Variants in CFAP100 observed in about 807,000 individuals in gnomAD.
CFAP100 encodes cilia- and flagella-associated protein 100.
A neutral mutation model predicts 81.5 loss-of-function variants in CFAP100; 70 were observed. The observed-to-expected ratio is 0.86, with a 90% CI of 0.71 to 1.05. The LOEUF (loss-of-function observed/expected upper bound fraction) is 1.05. CFAP100 is among the 50% of genes least tolerant of loss of function. The pLI is 0.00. For missense variants in CFAP100, 811 were observed against 776.5 expected (o/e 1.04, Z -0.53); for synonymous variants, 341 against 314.8 (o/e 1.08, Z -0.88).
Position 126,407,180 on chromosome 3 carries a change from C to A in CFAP100, c.58C>A (p.Leu20Met). The change falls in exon 3 of 17, where the codon CTG becomes ATG. Residue 20 changes from leucine (L) to methionine (M), a missense_variant. Leu to Met is a conservative substitution (Grantham distance 15). Transcript: ENST00000352312. ...SKNMTNDKNS[L>M]ESMNISSSSS... ...CTTTTGTGTCTCCTCAGAGAACAGC[C>A]TGGAATCCATGAACATCAGCTCTTC... 2 of 1,613,496 alleles carry A rather than the reference C, an allele frequency of 1.2e-6. No homozygotes were observed. The highest frequency in any genetic ancestry group is 1.7e-6 in the Non-Finnish European group (2 of 1,179,558).
intron 2 of CFAP100, among the ~76,000 whole-genome samples, chr3:126,404,448 G>A (rs2083031767): frequency 6.6e-6 from 1 of 152,186 alleles, no homozygotes; most frequent in South Asian, 2.1e-4. Context: ...TTCTATGGAA[G>A]GCTGCCTGCA....
intron 14 of CFAP100, 158 bp from the exon 15 acceptor site, chr3:126,434,018 G>C (rs1406268932): frequency 3.1e-6 from 2 of 645,272 alleles, no homozygotes; most frequent in Admixed American, 6.4e-5. Flanking sequence ...AGAAAAGCCA[G>C]TTCCCCAAGT....
chr3:126,433,548 A>C, intron 14 of CFAP100: 1 of 262,848 alleles, frequency 3.8e-6, no homozygotes, highest in Non-Finnish European at 7.4e-6. Flanking sequence ...AGAGAAGAGA[A>C]AGCCAGTGGT....
Position 126,436,299 on chromosome 3 carries a change from G to A in CFAP100, c.1731G>A (p.Arg577=). 1 of 1,613,582 alleles carries A rather than the reference G, an allele frequency of 6.2e-7. No homozygotes were observed. The highest frequency in any genetic ancestry group is 8.5e-7 in the Non-Finnish European group (1 of 1,179,614). The change falls in exon 17 of 17, where the codon AGG becomes AGA. Residue 577 remains arginine, a synonymous_variant. Transcript: ENST00000352312. ...GCTTGTTTCCCCTGCAGAGAGGCAG[G>A]ACACTGGTATGCCGCTCACGACCCC... The part of the protein sequence containing the change: ...AQAEIKKKRG[R]TLVCRSRPPA...
intron 15 of CFAP100, 120 bp downstream of exon 15, chr3:126,434,501 T>C: frequency 1.0e-6 from 1 of 985,294 alleles, no homozygotes; most frequent in Non-Finnish European, 1.5e-6. Flanking sequence ...CTCTGTGCTA[T>C]GAGAGACAAA....
chr3:126,398,767 C>T (rs1387713000), intron 2 of CFAP100, among the ~76,000 whole-genome samples: 1 of 152,230 alleles, frequency 6.6e-6, no homozygotes, highest in Non-Finnish European at 1.5e-5. Context: ...ACACATGCAG[C>T]CCACATCAGG....
At chr3:126,425,899 A>T (rs571168094) in intron 13 of CFAP100, among the ~76,000 whole-genome samples, 2 of 152,306 alleles carry the variant, frequency 1.3e-5, no homozygotes, top group African/African-American at 4.8e-5. Context: ...ATAGAAGGGA[A>T]TTTCCTCAAT....
At chr3:126,418,386 C>T (rs2083274965) in intron 5 of CFAP100, 72 bp from the exon 6 acceptor site, 1 of 1,426,118 alleles carries the variant, frequency 7.0e-7, no homozygotes, top group East Asian at 2.3e-5. Flanking sequence ...TGGAAGGCTC[C>T]TCTGCAGACC....
In CFAP100 at chr3:126,419,807, C is replaced by T. The variant is rs1416807688; in HGVS notation, c.902C>T (p.Pro301Leu). The change falls in exon 9 of 17, where the codon CCA becomes CTA. Residue 301 changes from proline (P) to leucine (L), a missense_variant. Coordinates refer to ENST00000352312, the MANE Select transcript of CFAP100 (RefSeq NM_182628.3). ...AAAGAGAGCAGTGTTAACTCCACAC[C>T]AGGGGACAAAGGTAGCAGAAAAGAG... Reference protein sequence around the residue: ...ASKESSVNSTPGDKGPGIKGK... With the variant: ...ASKESSVNSTLGDKGPGIKGK... The T allele has an allele frequency of 1.9e-6, 3 of 1,613,792 alleles. No individual in the cohort carries two copies. The highest frequency in any genetic ancestry group is 2.7e-5 in the African/African-American group (2 of 75,056).
In CFAP100 at chr3:126,416,363, C is replaced by G; in HGVS notation, c.273C>G (p.Tyr91Ter). ...TGCGGGTGCACCAGAAGATGACCTA[C>G]TCCTCGAAAGTGTCGGCTAAGCACA... ...KTMRVHQKMT[Y>*]SSKVSAKHTS... is the part of the protein sequence containing the mutation. Residue 91 changes from tyrosine (Y) to a stop codon, truncating the protein, a stop_gained, in exon 5 of 17, where the codon TAC becomes TAG. Transcript: ENST00000352312. LOFTEE classifies it high-confidence loss of function. 2.5e-6 allele frequency: 4 copies of G among 1,609,912 alleles called. No homozygotes were observed. Among genetic ancestry groups the G allele is most frequent in the Non-Finnish European group, 3.4e-6 (4 of 1,178,168 alleles).
intron 2 of CFAP100, 29 bp downstream of exon 2, chr3:126,396,078 C>G (rs1244292370): frequency 1.3e-6 from 2 of 1,598,234 alleles, no homozygotes; most frequent in Middle Eastern, 1.6e-4. Context: ...TGGGCACTCT[C>G]AGAGGTCAGG....
chr3:126,419,912 G>A, intron 9 of CFAP100, 68 bp from the exon 10 acceptor site: 1 of 1,612,066 alleles, frequency 6.2e-7, no homozygotes, highest in Non-Finnish European at 8.5e-7. Flanking sequence ...CAGGCATCTG[G>A]GCCACATGGC....
At chr3:126,409,047 C>T (rs1467939480) in intron 3 of CFAP100, among the ~76,000 whole-genome samples, 3 of 152,214 alleles carry the variant, frequency 2.0e-5, no homozygotes, top group African/African-American at 7.2e-5. Flanking sequence ...CCTCGGCCTC[C>T]CAAAGTGCTG....
chr3:126,416,380 C>T lies in CFAP100; in HGVS notation c.290C>T (p.Ala97Val). The T allele has an allele frequency of 6.2e-7, 1 of 1,611,894 alleles. No homozygotes were observed. Among genetic ancestry groups the T allele is most frequent in the Non-Finnish European group, 8.5e-7 (1 of 1,179,404 alleles). ...QKMTYSSKVS[A>V]KHTSLRRQLQ... ...ATGACCTACTCCTCGAAAGTGTCGGCTAAGCACACCAGCCTGCGGCGGCAG... is the reference window on the plus strand; with the variant it reads ...ATGACCTACTCCTCGAAAGTGTCGGTTAAGCACACCAGCCTGCGGCGGCAG... Residue 97 changes from alanine (A) to valine (V), a missense_variant, in exon 5 of 17, where the codon GCT (alanine) becomes GTT (valine). Physicochemically the swap from Ala to Val is moderately conservative, Grantham distance 64. Coordinates refer to ENST00000352312, the MANE Select transcript of CFAP100 (RefSeq NM_182628.3).
At chr3:126,422,491 C>A (rs953611516) in intron 11 of CFAP100, among the ~76,000 whole-genome samples, 3 of 152,198 alleles carry the variant, frequency 2.0e-5, no homozygotes, top group South Asian at 2.1e-4. Flanking sequence ...CAGCGCAGCC[C>A]CCCCCACCTC....
chr3:126,415,111 T>G (rs2083213700), intron 4 of CFAP100, among the ~76,000 whole-genome samples: 1 of 152,080 alleles, frequency 6.6e-6, no homozygotes, highest in Non-Finnish European at 1.5e-5. Flanking sequence ...AATGAGGCGT[T>G]CGGTTTTCCT....
Position 126,412,244 on chromosome 3 carries a change from T to G in CFAP100, c.131-1841T>G, listed in dbSNP as rs146748818. Among the ~76,000 whole-genome samples the G allele has an allele frequency of 5.9e-5, 9 of 152,340 alleles. No individual in the cohort carries two copies. The East Asian group carries it at 1.3e-3, about 23-fold the overall frequency. On this transcript the variant is annotated intron_variant, in intron 3 of 16. Coordinates refer to ENST00000352312, the MANE Select transcript of CFAP100 (RefSeq NM_182628.3). ...CCTTGGCTTCTCTTCCTGCACTCCT[T>G]GTTCTGCCCCAACTCTCCTGCCTCC...
intron 2 of CFAP100, among the ~76,000 whole-genome samples, chr3:126,397,661 G>A (rs907223536): frequency 2.0e-5 from 3 of 152,220 alleles, no homozygotes; most frequent in Non-Finnish European, 2.9e-5. Flanking sequence ...TGGCACCCAG[G>A]GCCAGGGGTC....
At chr3:126,404,930 C>T (rs2107589159) in intron 2 of CFAP100, among the ~76,000 whole-genome samples, 1 of 152,334 alleles carries the variant, frequency 6.6e-6, no homozygotes, top group East Asian at 1.9e-4. Flanking sequence ...ACCTCAGCTT[C>T]CCTGCTGGGA....
Sources: gnomAD v4.1 joint callset for allele counts (sites outside exome capture counted in the v4.1 genomes callset) on GRCh38, gnomAD v4.1.1 for gene constraint, MANE v1.5 for transcripts, NCBI Gene and HGNC (gene_info 2026-07-23, HGNC 2026-07-21) for gene names.